CCDC3: variants seen among roughly 807,000 people sequenced by gnomAD.
CCDC3 encodes coiled-coil domain containing 3.
In CCDC3, 24 loss-of-function variants were observed where a neutral mutation model predicts 21.4. The observed-to-expected ratio is 1.12, with a 90% CI of 0.81 to 1.58. The LOEUF (loss-of-function observed/expected upper bound fraction) is 1.58. Among genes scored for constraint, CCDC3 ranks in the 40% most tolerant of loss-of-function variants. The pLI, the probability that CCDC3 is intolerant of heterozygous loss-of-function variation, is 0.00. For missense variants in CCDC3, 425 were observed against 360.9 expected (o/e 1.18, Z -1.44); for synonymous variants, 186 against 166.0 (o/e 1.12, Z -0.93).
At chr10:12,916,646 G>A (rs1336608339) in intron 2 of CCDC3, among the ~76,000 whole-genome samples, 3 of 152,136 alleles carry the variant, frequency 2.0e-5, no homozygotes, top group Admixed American at 1.3e-4. Context: ...TGCCAGCCTG[G>A]GGCCAGGGGT....
chr10:13,093,497 A>T (rs185331361), intron 3 of CCDC3, among the ~76,000 whole-genome samples: 103 of 152,340 alleles, frequency 6.8e-4, no homozygotes, highest in African/African-American at 2.4e-3. Context: ...GTCAACCTCT[A>T]CAGAAGGAAG....
chr10:12,908,338 T>C (rs7915496), intron 2 of CCDC3, among the ~76,000 whole-genome samples: 25,682 of 152,170 alleles, frequency 0.17, 3,102 homozygotes, highest in African/African-American at 0.33. Flanking sequence ...TCTAACTTTG[T>C]TTTACCCCAG....
At chr10:12,898,917 T>C (rs1002606851) in intron 2 of CCDC3, among the ~76,000 whole-genome samples, 3 of 152,204 alleles carry the variant, frequency 2.0e-5, no homozygotes, top group Non-Finnish European at 4.4e-5. Context: ...CTTGGCTTCC[T>C]TGGAAGATGT....
chr10:13,062,902 C>A, intron 4 of CCDC3, among the ~76,000 whole-genome samples: 1 of 152,092 alleles, frequency 6.6e-6, no homozygotes, highest in East Asian at 1.9e-4. Flanking sequence ...AATAAACTTG[C>A]TCATCTGCTC....
chr10:13,024,475 T>C (rs1836190311), intron 5 of CCDC3, among the ~76,000 whole-genome samples: 1 of 152,202 alleles, frequency 6.6e-6, no homozygotes, highest in Non-Finnish European at 1.5e-5. Context: ...ATATGTCTAA[T>C]GTGTTAATAG....
chr10:12,967,727 G>A (rs1463411470), intron 2 of CCDC3, among the ~76,000 whole-genome samples: 1 of 152,060 alleles, frequency 6.6e-6, no homozygotes, highest in Non-Finnish European at 1.5e-5. Flanking sequence ...AAAAACATAG[G>A]GGCAAAGGGG....
rs192414268 is a variant in CCDC3, at chr10:12,919,655, C to T, written c.550-20976G>A. ...CACTCTTTAAAGGGATTATCGGCTC[C>T]GGGGCTGTATTCCTCTTGCAGTCGC... is the stretch of plus-strand genomic sequence containing the variant. On this transcript the variant is annotated intron_variant, in intron 2 of 2. Coordinates refer to ENST00000378825, the MANE Select transcript of CCDC3 (RefSeq NM_031455.4). Among the ~76,000 whole-genome samples the T allele has an allele frequency of 1.2e-4, 18 of 152,006 alleles. No individual in the cohort carries two copies. In the South Asian group the frequency reaches 1.3e-3, roughly 11 times the overall value.
intron 5 of CCDC3, among the ~76,000 whole-genome samples, chr10:13,044,342 G>A (rs575091158): frequency 1.3e-5 from 2 of 152,302 alleles, no homozygotes; most frequent in African/African-American, 2.4e-5. Context: ...TGGCTTTGCA[G>A]AAGCCCTTTA....
At chr10:13,047,470 T>C (rs946912463) in intron 5 of CCDC3, among the ~76,000 whole-genome samples, 1 of 152,164 alleles carries the variant, frequency 6.6e-6, no homozygotes, top group African/African-American at 2.4e-5. Context: ...GGGGAAAGCT[T>C]TCTATTCTTT....
chr10:13,024,678 C>G (rs1836192512), intron 5 of CCDC3, among the ~76,000 whole-genome samples: 1 of 152,212 alleles, frequency 6.6e-6, no homozygotes, highest in African/African-American at 2.4e-5. Context: ...AGGTCCTTCT[C>G]TAGCTTAACT....
chr10:12,997,337 G>A (rs894661560), intron 2 of CCDC3, among the ~76,000 whole-genome samples: 3 of 152,114 alleles, frequency 2.0e-5, no homozygotes, highest in African/African-American at 7.2e-5. Context: ...TCTTCAATCG[G>A]GGACCGGAAG....
intron 5 of CCDC3, among the ~76,000 whole-genome samples, chr10:13,024,116 T>C (rs1836185415): frequency 6.6e-6 from 1 of 152,140 alleles, no homozygotes; most frequent in African/African-American, 2.4e-5. Flanking sequence ...TCCTTCTTTT[T>C]CCAAGAGAAA....
chr10:12,911,483 A>G (rs574992618), intron 2 of CCDC3, among the ~76,000 whole-genome samples: 1 of 152,308 alleles, frequency 6.6e-6, no homozygotes, highest in Admixed American at 6.5e-5. Context: ...CTCAAAGACA[A>G]CTTGCATTTC....
At chr10:12,922,751 A>T (rs192525639) in intron 2 of CCDC3, among the ~76,000 whole-genome samples, 2 of 152,094 alleles carry the variant, frequency 1.3e-5, no homozygotes, top group African/African-American at 4.8e-5. Context: ...TCTGAACCTA[A>T]GGAGTGTCAA....
chr10:12,911,439 G>T (rs938174333), intron 2 of CCDC3, among the ~76,000 whole-genome samples: 6 of 152,244 alleles, frequency 3.9e-5, no homozygotes, highest in African/African-American at 1.4e-4. Context: ...ATAAACTAAT[G>T]AGAAATGGGA....
At chr10:12,975,161 ATCC>A (rs1231774187) in intron 2 of CCDC3, among the ~76,000 whole-genome samples, 3 of 152,024 alleles carry the variant, frequency 2.0e-5, no homozygotes, top group Admixed American at 1.3e-4. Context: ...GTGGGCTCAG[ATCC>A]TCCTTCACAA....
At chr10:12,908,668 G>C (rs1276130526) in intron 2 of CCDC3, among the ~76,000 whole-genome samples, 1 of 149,982 alleles carries the variant, frequency 6.7e-6, no homozygotes, top group African/African-American at 2.5e-5. Flanking sequence ...GGAGTGCAGA[G>C]GTGTGATCTC....
intron 5 of CCDC3, among the ~76,000 whole-genome samples, chr10:13,039,510 C>A (rs1321204788): frequency 6.6e-6 from 1 of 151,906 alleles, no homozygotes; most frequent in East Asian, 1.9e-4. Context: ...CTTTGAGTTA[C>A]AAATAAGCAA....
At chr10:12,976,914 G>A (rs972069060) in intron 2 of CCDC3, among the ~76,000 whole-genome samples, 1 of 152,226 alleles carries the variant, frequency 6.6e-6, no homozygotes, top group African/African-American at 2.4e-5. Flanking sequence ...AATAGCACTA[G>A]ATTATGGTAT....
Sources: gnomAD v4.1 joint callset for allele counts (sites outside exome capture counted in the v4.1 genomes callset) on GRCh38, gnomAD v4.1.1 for gene constraint, MANE v1.5 for transcripts, NCBI Gene and HGNC (gene_info 2026-07-23, HGNC 2026-07-21) for gene names.